Variants in ARL15 observed in about 807,000 individuals in gnomAD.
ARL15 encodes the protein ADP-ribosylation factor-like protein 15.
A neutral mutation model predicts 25.2 loss-of-function variants in ARL15; 19 were observed. The observed-to-expected ratio is 0.75, with a 90% CI of 0.53 to 1.10. The LOEUF (loss-of-function observed/expected upper bound fraction) is 1.10, where lower values mean the gene tolerates loss of function less well. ARL15 is among the 50% of genes least tolerant of loss of function. ARL15 has a pLI of 0.00. For synonymous variants in ARL15, 94 were observed against 86.8 expected, an observed-to-expected ratio of 1.08 and a Z score of -0.46; for missense variants, 220 against 246.0, an observed-to-expected ratio of 0.89 and a Z score of 0.71.
chr5:53,907,180 T>G (rs938633534), intron 4 of ARL15, among the ~76,000 whole-genome samples: 2 of 152,040 alleles, frequency 1.3e-5, no homozygotes, highest in African/African-American at 4.8e-5. Context: ...ATGGCCACCA[T>G]ACCTTGAAAC....
At chr5:54,221,872 A>C (rs1461116048) in intron 1 of ARL15, among the ~76,000 whole-genome samples, 5 of 142,078 alleles carry the variant, frequency 3.5e-5, no homozygotes, top group South Asian at 2.3e-4. Flanking sequence ...CACACACACA[A>C]AACCCTCATG....
At chr5:54,247,815 G>T (rs1053637330) in intron 1 of ARL15, among the ~76,000 whole-genome samples, 4 of 151,824 alleles carry the variant, frequency 2.6e-5, no homozygotes, top group African/African-American at 9.7e-5. Flanking sequence ...GTCAGGTTGG[G>T]CAGTTATAAA....
chr5:54,118,664 T>C (rs1272936539), intron 3 of ARL15, among the ~76,000 whole-genome samples: 1 of 152,166 alleles, frequency 6.6e-6, no homozygotes, highest in African/African-American at 2.4e-5. Context: ...AGTCCCAAGA[T>C]AGAAGAGCTG....
At chr5:54,053,954 C>A (rs75101344) in intron 4 of ARL15, among the ~76,000 whole-genome samples, 3,182 of 152,176 alleles carry the variant, frequency 0.021, 110 homozygotes, top group African/African-American at 0.073. Context: ...TAATAAATGT[C>A]CCCCTACTCT....
At chr5:54,112,954 T>C (rs1752782881) in intron 4 of ARL15, among the ~76,000 whole-genome samples, 1 of 152,004 alleles carries the variant, frequency 6.6e-6, no homozygotes, top group Admixed American at 6.6e-5. Context: ...AGATGAAAAA[T>C]ATAACCAGAA....
At chr5:54,261,866 G>C (rs1020635394) in intron 1 of ARL15, among the ~76,000 whole-genome samples, 2 of 152,060 alleles carry the variant, frequency 1.3e-5, no homozygotes, top group African/African-American at 4.8e-5. Flanking sequence ...GGTAACCTTG[G>C]TTCTCATCAA....
intron 2 of ARL15, among the ~76,000 whole-genome samples, chr5:54,167,372 CCTCAG>C (rs1561250469): frequency 1.3e-5 from 2 of 152,178 alleles, no homozygotes; most frequent in African/African-American, 4.8e-5. Context: ...CTGAGCTCCA[CCTCAG>C]CTCCCTCTGG....
intron 4 of ARL15, among the ~76,000 whole-genome samples, chr5:53,917,577 T>C (rs575746557): frequency 5.1e-4 from 77 of 152,202 alleles, no homozygotes; most frequent in Admixed American, 9.2e-4. Flanking sequence ...CACCTCCTGC[T>C]CCCATTCTGG....
chr5:54,048,257 T>C (rs573053639), intron 4 of ARL15: 70 of 152,266 alleles, frequency 4.6e-4, no homozygotes, highest in African/African-American at 1.6e-3. Flanking sequence ...GGAATCCTCC[T>C]GCTTCAGCCT....
At chr5:53,886,756 C>T (rs1324084651) in intron 4 of ARL15, 43 bp from the exon 5 acceptor site, 1 of 1,485,186 alleles carries the variant, frequency 6.7e-7, no homozygotes, top group Non-Finnish European at 9.0e-7. Flanking sequence ...TTAATTATAT[C>T]AGAAACTTTC....
intron 1 of ARL15, among the ~76,000 whole-genome samples, chr5:54,252,960 G>A (rs1174318505): frequency 6.6e-6 from 1 of 151,966 alleles, no homozygotes; most frequent in Non-Finnish European, 1.5e-5. Flanking sequence ...CCTGAGCTCA[G>A]GTGATCCACC....
chr5:54,220,406 A>C (rs1199216746), intron 1 of ARL15, among the ~76,000 whole-genome samples: 3 of 152,156 alleles, frequency 2.0e-5, no homozygotes, highest in Admixed American at 6.5e-5. Flanking sequence ...TCAATGGTTT[A>C]ATCTAAGTGG....
chr5:53,962,273 A>T (rs1747396284), intron 4 of ARL15, among the ~76,000 whole-genome samples: 1 of 152,172 alleles, frequency 6.6e-6, no homozygotes, highest in Admixed American at 6.5e-5. Flanking sequence ...GTAAATATAA[A>T]TTATACTTGT....
At chr5:53,940,012 T>C (rs945508146) in intron 4 of ARL15, among the ~76,000 whole-genome samples, 13 of 147,380 alleles carry the variant, frequency 8.8e-5, no homozygotes, top group Admixed American at 6.2e-4. Flanking sequence ...GGAGCCTCGC[T>C]CTGTCGCCCA....
chr5:54,122,133 C>T (rs1753099762), intron 3 of ARL15, among the ~76,000 whole-genome samples: 1 of 152,080 alleles, frequency 6.6e-6, no homozygotes, highest in South Asian at 2.1e-4. Flanking sequence ...TGGGACAGAC[C>T]CTTTCTTTTT....
At chr5:54,247,832 A>G (rs1335653583) in intron 1 of ARL15, among the ~76,000 whole-genome samples, 1 of 152,154 alleles carries the variant, frequency 6.6e-6, no homozygotes, top group Non-Finnish European at 1.5e-5. Context: ...TAAAAATGAA[A>G]ACCTCAAATC....
At chr5:54,310,226 C>T (rs943830646) in intron 1 of ARL15, 9 of 572,598 alleles carry the variant, frequency 1.6e-5, no homozygotes, top group Middle Eastern at 4.4e-4. Context: ...CCAGGCCGCA[C>T]CTTTACCTGT....
At chr5:53,982,520 C>G (rs1329979658) in intron 4 of ARL15, among the ~76,000 whole-genome samples, 1 of 152,020 alleles carries the variant, frequency 6.6e-6, no homozygotes, top group Non-Finnish European at 1.5e-5. Context: ...TGGATTCATC[C>G]TTTTTTATGG....
chr5:54,055,360 T>G, intron 4 of ARL15, among the ~76,000 whole-genome samples: 1 of 140,560 alleles, frequency 7.1e-6, no homozygotes, highest in Non-Finnish European at 1.5e-5. Context: ...TCCTTTTTTT[T>G]TTTTTTTTTT....
Sources: allele counts gnomAD v4.1 joint callset (sites outside exome capture counted in the v4.1 genomes callset), GRCh38; gene constraint gnomAD v4.1.1; transcripts MANE v1.5; gene names NCBI Gene and HGNC (gene_info 2026-07-23, HGNC 2026-07-21).